Variants in ASAP1 observed in about 807,000 individuals in gnomAD.
ASAP1 encodes arf-GAP with SH3 domain, ANK repeat and PH domain-containing protein 1.
In ASAP1, 43 loss-of-function variants were observed where a neutral mutation model predicts 145.2. The ratio of observed to expected loss-of-function variants is 0.30; its 90% CI spans 0.23 to 0.38. ASAP1 has a LOEUF of 0.38. ASAP1 is among the 10% of genes least tolerant of loss of function. ASAP1 has a pLI of 1.00. For missense variants in ASAP1, 1,018 were observed against 1,355.3 expected (o/e 0.75, Z 3.91); for synonymous variants, 546 against 515.5 (o/e 1.06, Z -0.80).
chr8:130,335,027 GCT>G (rs1254316632), intron 3 of ASAP1, among the ~76,000 whole-genome samples: 70 of 152,212 alleles, frequency 4.6e-4, no homozygotes, highest in African/African-American at 1.5e-3. Context: ...TGGCCACACT[GCT>G]CTGTCACTGG....
At chr8:130,425,253 AC>A (rs1450613148) in intron 1 of ASAP1, among the ~76,000 whole-genome samples, 1 of 151,834 alleles carries the variant, frequency 6.6e-6, no homozygotes, top group Non-Finnish European at 1.5e-5. Flanking sequence ...AATCACTTGA[AC>A]CTGGGAGGCA....
At position 130,417,600 on chromosome 8, in the gene ASAP1, A is replaced by G. The variant is rs539927630; in HGVS notation, c.-27-15630T>C. Among the ~76,000 whole-genome samples, 8 of 150,608 alleles carry G rather than the reference A, an allele frequency of 5.3e-5. No homozygotes were observed. The South Asian group carries it at 1.5e-3, about 28-fold the overall frequency. ...CATGCTTCATGAGACAGAAAACCCC[A>G]CAAGTCCTGGCTTCAGGGGAAAAAA... On this transcript the variant is annotated intron_variant, in intron 1 of 29. Transcript: ENST00000518721.
chr8:130,158,865 G>A (rs1468490131), intron 12 of ASAP1, among the ~76,000 whole-genome samples: 1 of 151,880 alleles, frequency 6.6e-6, no homozygotes, highest in African/African-American at 2.4e-5. Flanking sequence ...CCAAGTAGCT[G>A]GGACCACAGG....
chr8:130,295,004 C>T (rs768961558), intron 3 of ASAP1, among the ~76,000 whole-genome samples: 43 of 152,324 alleles, frequency 2.8e-4, no homozygotes, highest in Admixed American at 6.5e-4. Context: ...TGGTTCACAT[C>T]TGTAATCCCA....
intron 3 of ASAP1, among the ~76,000 whole-genome samples, chr8:130,346,158 A>G (rs186674947): frequency 9.6e-4 from 147 of 152,334 alleles, no homozygotes; most frequent in African/African-American, 3.4e-3. Context: ...AAAACAAAAC[A>G]AGTTTAAAAA....
At chr8:130,364,800 C>A (rs991754085) in intron 2 of ASAP1, among the ~76,000 whole-genome samples, 1 of 152,148 alleles carries the variant, frequency 6.6e-6, no homozygotes, top group Non-Finnish European at 1.5e-5. Context: ...TCCTCAGCAA[C>A]AAATAGCTCT....
chr8:130,123,574 G>A (rs970865615), intron 18 of ASAP1, among the ~76,000 whole-genome samples: 2 of 150,696 alleles, frequency 1.3e-5, no homozygotes, highest in African/African-American at 4.8e-5. Flanking sequence ...CCTGACAATG[G>A]GGTTTGCTCT....
At chr8:130,311,439 T>G (rs1325313291) in intron 3 of ASAP1, among the ~76,000 whole-genome samples, 3 of 152,236 alleles carry the variant, frequency 2.0e-5, no homozygotes, top group Non-Finnish European at 4.4e-5. Context: ...CACATGCATC[T>G]TTTTCACTCG....
intron 4 of ASAP1, among the ~76,000 whole-genome samples, chr8:130,229,957 C>T (rs1170704823): frequency 2.0e-4 from 31 of 151,830 alleles, no homozygotes; most frequent in Admixed American, 1.8e-3. Flanking sequence ...AGCTGCTACT[C>T]GGGAGGCTGA....
intron 4 of ASAP1, among the ~76,000 whole-genome samples, chr8:130,235,396 T>C (rs1441974586): frequency 1.3e-5 from 2 of 152,084 alleles, no homozygotes; most frequent in African/African-American, 2.4e-5. Flanking sequence ...AACTTTACCA[T>C]GTAACCACCA....
intron 4 of ASAP1, among the ~76,000 whole-genome samples, chr8:130,232,864 A>G (rs1408730406): frequency 1.3e-5 from 2 of 152,178 alleles, no homozygotes; most frequent in Non-Finnish European, 2.9e-5. Flanking sequence ...AAACAAGAAA[A>G]TTATGAAAAT....
intron 28 of ASAP1, among the ~76,000 whole-genome samples, chr8:130,059,728 T>A (rs1395784046): frequency 6.6e-6 from 1 of 152,202 alleles, no homozygotes; most frequent in Non-Finnish European, 1.5e-5. Context: ...TATTCTATTA[T>A]ATCGAGAGCT....
At chr8:130,417,178 CAA>C (rs1829517822) in intron 1 of ASAP1, among the ~76,000 whole-genome samples, 1 of 88,564 alleles carries the variant, frequency 1.1e-5, no homozygotes, top group Admixed American at 1.1e-4. Context: ...ACACAGAAAA[CAA>C]CCCACGTACA....
At chr8:130,184,808 T>C (rs1174912504) in intron 7 of ASAP1, among the ~76,000 whole-genome samples, 2 of 152,234 alleles carry the variant, frequency 1.3e-5, no homozygotes, top group South Asian at 2.1e-4. Flanking sequence ...GACTTCCCTA[T>C]GCTAAACACT....
Position 130,170,335 on chromosome 8 carries a change from A to G in ASAP1, c.747-1268T>C, listed in dbSNP as rs113545402. ...ACACCAGGCTAATTTTTGTATTTTC[A>G]GTAGAGACAGGGTTTCACCAAGTTG... On this transcript the variant is annotated intron_variant, in intron 9 of 29. Transcript: ENST00000518721. 3.0e-3 allele frequency among the ~76,000 whole-genome samples: 457 copies of G among 152,182 alleles called. 2 individuals are homozygous for G. Among genetic ancestry groups the G allele is most frequent in the African/African-American group, 0.01 (426 of 41,522 alleles).
chr8:130,216,436 A>G (rs1430851101), intron 4 of ASAP1, among the ~76,000 whole-genome samples: 2 of 152,244 alleles, frequency 1.3e-5, no homozygotes, highest in Non-Finnish European at 2.9e-5. Flanking sequence ...TAAAGTATAT[A>G]AAAGTTTCTC....
intron 3 of ASAP1, among the ~76,000 whole-genome samples, chr8:130,300,145 CACACACACAGAG>C (rs1242396814): frequency 2.8e-5 from 3 of 107,358 alleles, no homozygotes; most frequent in Non-Finnish European, 3.7e-5. Context: ...CACACACACA[CACACACACAGAG>C]AGAGAGAGAG....
intron 5 of ASAP1, among the ~76,000 whole-genome samples, chr8:130,211,123 C>G (rs1361137252): frequency 3.3e-5 from 5 of 152,164 alleles, no homozygotes; most frequent in Non-Finnish European, 4.4e-5. Context: ...GCTTCATAGC[C>G]TCTCGAATCC....
intron 3 of ASAP1, among the ~76,000 whole-genome samples, chr8:130,318,672 C>A (rs542790568): frequency 6.6e-5 from 10 of 152,296 alleles, no homozygotes; most frequent in African/African-American, 2.4e-4. Context: ...GGTATTATCA[C>A]CTCCTTTTAC....
Sources: allele counts gnomAD v4.1 joint callset (sites outside exome capture counted in the v4.1 genomes callset), GRCh38; gene constraint gnomAD v4.1.1; transcripts MANE v1.5; gene names NCBI Gene and HGNC (gene_info 2026-07-23, HGNC 2026-07-21).